The following HNRNPA1L2 variants were observed in gnomAD, a reference collection of about 807,000 sequenced individuals.
HNRNPA1L2 encodes heterogeneous nuclear ribonucleoprotein A1-like 2.
A neutral mutation model predicts 18.2 loss-of-function variants in HNRNPA1L2; 10 were observed. The ratio of observed to expected loss-of-function variants is 0.55; its 90% CI spans 0.34 to 0.93. The LOEUF is 0.93. HNRNPA1L2 is among the 40% of genes least tolerant of loss of function. The pLI, the probability that HNRNPA1L2 is intolerant of heterozygous loss-of-function variation, is 0.02. For missense variants in HNRNPA1L2, 308 were observed against 394.4 expected (o/e 0.78, Z 1.85); for synonymous variants, 124 against 138.6 (o/e 0.89, Z 0.74).
chr13:52,635,091 C>T, the HNRNPA1L2 span, among the ~76,000 whole-genome samples: 1 of 152,096 alleles, frequency 6.6e-6, no homozygotes, highest in African/African-American at 2.4e-5. Flanking sequence ...CTAGTTAAGC[C>T]TAACAGTTGT....
In HNRNPA1L2 at chr13:52,643,251, T is replaced by C; in HGVS notation, c.759T>C (p.Asn253=). 6.3e-7 allele frequency: 1 copy of C among 1,594,142 alleles called. No homozygotes were observed. Among genetic ancestry groups the C allele is most frequent in the East Asian group, 2.2e-5 (1 of 44,858 alleles). ...ATGGATTTGGTAATGATGGAAGCAA[T>C]TTTGGAGGTGGTGGAAGCTACAATG... ...GYNGFGNDGS[N]FGGGGSYNDF... The change falls in exon 1 of 1, where the codon AAT becomes AAC. Residue 253 remains asparagine (N), a synonymous_variant. Transcript: ENST00000357495.
the HNRNPA1L2 span, among the ~76,000 whole-genome samples, chr13:52,636,675 A>G: frequency 6.6e-6 from 1 of 152,216 alleles, no homozygotes; most frequent in Non-Finnish European, 1.5e-5. Context: ...TAGAGTTTAA[A>G]AATAAGTCAC....
rs910963743 is a variant in HNRNPA1L2 at position 52,642,650 on chromosome 13, G to A, written c.158G>A (p.Arg53His). ...GTAATGAGAGATCCAAACACCAAGC[G>A]CTCCAGGGGCTTTGGGTTTGTCACA... The part of the protein sequence containing the change: ...CVVMRDPNTK[R>H]SRGFGFVTYA... The change falls in exon 1 of 1, where the codon CGC becomes CAC. Residue 53 changes from arginine to histidine, a missense_variant. Arg to His is a conservative substitution (Grantham distance 29). Transcript: ENST00000357495. The A allele has an allele frequency of 8.1e-6, 13 of 1,611,370 alleles. No individual in the cohort carries two copies. Among genetic ancestry groups the A allele is most frequent in the African/African-American group, 8.0e-5 (6 of 74,804 alleles).
At chr13:52,635,830 TG>T in the HNRNPA1L2 span, among the ~76,000 whole-genome samples, 2 of 133,132 alleles carry the variant, frequency 1.5e-5, no homozygotes, top group Non-Finnish European at 3.4e-5. Context: ...GCTGTATTAC[TG>T]TTTTTTTTTT....
the HNRNPA1L2 span, among the ~76,000 whole-genome samples, chr13:52,635,290 A>G: frequency 1.3e-5 from 2 of 152,198 alleles, no homozygotes; most frequent in Admixed American, 1.3e-4. Flanking sequence ...GGGGCTTGAC[A>G]AAAGTGTGTA....
chr13:52,632,097 T>A, the HNRNPA1L2 span, among the ~76,000 whole-genome samples: 1 of 152,170 alleles, frequency 6.6e-6, no homozygotes, highest in African/African-American at 2.4e-5. Flanking sequence ...CTTTTTAGCA[T>A]AGTTTTATAA....
chr13:52,636,691 G>T, the HNRNPA1L2 span, among the ~76,000 whole-genome samples: 1 of 152,022 alleles, frequency 6.6e-6, no homozygotes, highest in South Asian at 2.1e-4. Context: ...GTCACATATT[G>T]TATAAAAAAT....
chr13:52,624,399 C>T, the HNRNPA1L2 span, among the ~76,000 whole-genome samples: 68 of 152,280 alleles, frequency 4.5e-4, no homozygotes, highest in African/African-American at 1.6e-3. Context: ...GGCACGCCAC[C>T]GTGCCTGGCC....
the HNRNPA1L2 span, among the ~76,000 whole-genome samples, chr13:52,637,111 C>T: frequency 6.6e-6 from 1 of 152,342 alleles, no homozygotes; most frequent in Non-Finnish European, 1.5e-5. Flanking sequence ...GCATGAGCCA[C>T]AGTGCCTGGC....
At chr13:52,624,089 G>A in the HNRNPA1L2 span, among the ~76,000 whole-genome samples, 51 of 152,132 alleles carry the variant, frequency 3.4e-4, no homozygotes, top group Non-Finnish European at 2.6e-4. Context: ...AAGAGAAAGT[G>A]AGCCAAGAGG....
chr13:52,634,865 A>T, the HNRNPA1L2 span, among the ~76,000 whole-genome samples: 5 of 152,212 alleles, frequency 3.3e-5, no homozygotes, highest in Admixed American at 3.3e-4. Flanking sequence ...GTTAGTATGT[A>T]CATCTGAAGG....
At chr13:52,623,368 A>C in the HNRNPA1L2 span, among the ~76,000 whole-genome samples, 2 of 152,238 alleles carry the variant, frequency 1.3e-5, no homozygotes, top group African/African-American at 4.8e-5. Context: ...ACAAATATAC[A>C]TACGCAGGAG....
the HNRNPA1L2 span, among the ~76,000 whole-genome samples, chr13:52,631,016 A>C: frequency 6.6e-6 from 1 of 152,198 alleles, no homozygotes; most frequent in Non-Finnish European, 1.5e-5. Flanking sequence ...AAACTAAAAA[A>C]GTAGGAAAGG....
At position 52,642,984 on chromosome 13, in the gene HNRNPA1L2, T is replaced by C; in HGVS notation, c.492T>C (p.Ile164=). ...DDHDSVDKIV[I]QKYHTVKGHN... is the part of the protein sequence containing the mutation. ...ATGACTCCGTGGATAAGATTGTCAT[T>C]CAGAAATACCATACTGTGAAGGGCC... The change falls in exon 1 of 1, where the codon ATT becomes ATC. Residue 164 remains isoleucine, a synonymous_variant. Transcript: ENST00000357495. The C allele has an allele frequency of 6.3e-7, 1 of 1,597,426 alleles. No individual in the cohort carries two copies. Among genetic ancestry groups the C allele is most frequent in the Non-Finnish European group, 8.5e-7 (1 of 1,179,808 alleles).
Position 52,642,514 on chromosome 13 carries a change from A to C in HNRNPA1L2, c.22A>C (p.Lys8Gln). ...CGTCATGTCTAAGTCAGCGTCTCCA[A>C]AAGAGCCCGAACAGCTGAGGAAGCT... is the stretch of plus-strand genomic sequence containing the variant. MSKSASPKEPEQLRKLFI... is the reference protein window; with the variant it reads MSKSASPQEPEQLRKLFI... Residue 8 changes from lysine to glutamine, a missense_variant, in exon 1 of 1, where the codon AAA (lysine) becomes CAA (glutamine). Coordinates refer to ENST00000357495, the MANE Select transcript of HNRNPA1L2 (RefSeq NM_001389320.1). The C allele has an allele frequency of 1.1e-5, 17 of 1,611,938 alleles. No individual in the cohort carries two copies. The highest frequency in any genetic ancestry group is 1.4e-5 in the Non-Finnish European group (17 of 1,179,848).
At chr13:52,622,025 C>T in the HNRNPA1L2 span, 1,296 of 157,442 alleles carry the variant, frequency 8.2e-3, 27 homozygotes, top group African/African-American at 0.03. Context: ...TTGGCACTAA[C>T]GGCGCTATCT....
At chr13:52,639,888 T>TG (rs548883827), upstream of HNRNPA1L2, among the ~76,000 whole-genome samples, 5,837 of 100,946 alleles carry the variant, frequency 0.058, 247 homozygotes, top group Admixed American at 0.14. Flanking sequence ...TTTTTTTTTT[T>TG]TTTTTTTGTT....
chr13:52,627,799 G>C, the HNRNPA1L2 span, among the ~76,000 whole-genome samples: 1 of 152,040 alleles, frequency 6.6e-6, no homozygotes. Context: ...TGTCCTTTTA[G>C]GAAGTTACAG....
chr13:52,624,456 A>G, the HNRNPA1L2 span, among the ~76,000 whole-genome samples: 1 of 152,136 alleles, frequency 6.6e-6, no homozygotes, highest in Non-Finnish European at 1.5e-5. Flanking sequence ...AAGATTGGAC[A>G]TTACCATGTT....
Sources: allele counts gnomAD v4.1 joint callset (sites outside exome capture counted in the v4.1 genomes callset), GRCh38; gene constraint gnomAD v4.1.1; transcripts MANE v1.5; gene names NCBI Gene and HGNC (gene_info 2026-07-23, HGNC 2026-07-21).